Variants in SEL1L3 observed in about 807,000 individuals in gnomAD.
The protein encoded by SEL1L3 is SEL1L family member 3.
In SEL1L3, 76 loss-of-function variants were observed where a neutral mutation model predicts 142.8. The observed-to-expected ratio is 0.53, with a 90% confidence interval of 0.44 to 0.64. The LOEUF is 0.64. SEL1L3 is among the 30% of genes least tolerant of loss of function. The pLI is 0.00. For synonymous variants in SEL1L3, 504 were observed against 519.6 expected, an observed-to-expected ratio of 0.97 and a Z score of 0.41; for missense variants, 1,262 against 1,381.7, an observed-to-expected ratio of 0.91 and a Z score of 1.37.
At chr4:25,777,861 G>A (rs1025528771) in intron 16 of SEL1L3, 2 of 456,056 alleles carry the variant, frequency 4.4e-6, no homozygotes, top group African/African-American at 4.0e-5. Flanking sequence ...CAGTGTGAGG[G>A]TGGCCTAAAA....
Position 25,804,680 on chromosome 4 carries a change from G to C in SEL1L3, c.1637C>G (p.Ser546Cys), listed in dbSNP as rs376354051. 5.4e-5 allele frequency: 87 copies of C among 1,613,686 alleles called. No homozygotes were observed. The highest frequency in any genetic ancestry group is 6.5e-5 in the Non-Finnish European group (77 of 1,179,704). The change falls in exon 10 of 24, where the codon TCT (serine) becomes TGT (cysteine). Residue 546 changes from serine to cysteine, a missense_variant. Transcript: ENST00000399878. ...KIFEKAVKRL[S>C]SIDGLHQISS... ...AATTTGGTGAAGACCATCAATGCTA[G>C]AGAGTCTCTTTACAGCCTTCTCAAA...
chr4:25,723,902 A>G, the SEL1L3 span, among the ~76,000 whole-genome samples: 3 of 152,184 alleles, frequency 2.0e-5, no homozygotes, highest in African/African-American at 7.2e-5. Flanking sequence ...CATAGCAAAC[A>G]TCTATCATGT....
At chr4:25,760,270 C>G (rs1577563338) in intron 20 of SEL1L3, among the ~76,000 whole-genome samples, 3 of 152,172 alleles carry the variant, frequency 2.0e-5, no homozygotes, top group African/African-American at 7.2e-5. Context: ...TTTATGGCTG[C>G]ATAGTATTCC....
chr4:25,829,083 G>A lies in SEL1L3; in HGVS notation c.1157+1015C>T, dbSNP rs932809301. Among the ~76,000 whole-genome samples, 9 of 152,150 alleles carry A rather than the reference G, an allele frequency of 5.9e-5. No homozygotes were observed. The East Asian group carries it at 1.2e-3, about 20-fold the overall frequency. On this transcript the variant is annotated intron_variant, in intron 6 of 23. Coordinates refer to ENST00000399878, the MANE Select transcript of SEL1L3 (RefSeq NM_015187.5). The stretch of plus-strand genomic sequence containing the variant: ...TGCCTCCTGGGTTCAAGCCATTCTC[G>A]TGCCTCAGCCACCTGAGTAACTGGG...
rs1719618615 is a variant in SEL1L3 at position 25,776,295 on chromosome 4, G to A, written c.2651C>T (p.Ala884Val). Residue 884 changes from alanine (A) to valine (V), a missense_variant, in exon 17 of 24, where the codon GCC becomes GTC. Physicochemically the swap from Ala to Val is moderately conservative, Grantham distance 64 (BLOSUM62 0). Around this residue, in one of 3 missense-constraint regions of SEL1L3, gnomAD observed 435 missense variants for 559.2 expected, o/e 0.78. Coordinates refer to ENST00000399878, the MANE Select transcript of SEL1L3 (RefSeq NM_015187.5). The stretch of plus-strand genomic sequence containing the variant: ...AGCTTACCATGAACCTTCCAGGTAG[G>A]CATTGAGGCCTTTGCGGATGACATG... ...LGHVIRKGLN[A>V]YLEGSWHEAL... 1 of 1,611,728 alleles carries A rather than the reference G, an allele frequency of 6.2e-7. No homozygotes were observed. Among genetic ancestry groups the A allele is most frequent in the Non-Finnish European group, 8.5e-7 (1 of 1,178,130 alleles).
chr4:25,794,589 G>C (rs1402223271), intron 11 of SEL1L3, among the ~76,000 whole-genome samples: 1 of 152,162 alleles, frequency 6.6e-6, no homozygotes, highest in Admixed American at 6.5e-5. Flanking sequence ...GCTGTGGAGA[G>C]ATAGGAATAC....
chr4:25,737,919 T>G, the SEL1L3 span, among the ~76,000 whole-genome samples: 2 of 152,120 alleles, frequency 1.3e-5, no homozygotes, highest in Non-Finnish European at 2.9e-5. Flanking sequence ...AGACAGAGTC[T>G]CACTCTGTCA....
At chr4:25,790,333 T>C in intron 12 of SEL1L3, 122 bp downstream of exon 12, 3 of 923,352 alleles carry the variant, frequency 3.2e-6, no homozygotes, top group East Asian at 2.6e-5. Context: ...GGACATGCAG[T>C]GTGAGTGAGA....
At chr4:25,729,353 T>G in the SEL1L3 span, among the ~76,000 whole-genome samples, 4 of 152,316 alleles carry the variant, frequency 2.6e-5, no homozygotes, top group Non-Finnish European at 4.4e-5. Context: ...TAACACATGT[T>G]TGCTTACCAC....
At chr4:25,746,504 C>CTAAATATATATATATATATATATT (rs1306618854), downstream of SEL1L3, among the ~76,000 whole-genome samples, 54 of 86,784 alleles carry the variant, frequency 6.2e-4, no homozygotes, top group Admixed American at 2.4e-3. Context: ...GCAATATTAT[C>CTAAATATATATATATATATATATT]TAAATATATA....
intron 15 of SEL1L3, 65 bp from the exon 16 acceptor site, chr4:25,779,268 GA>G (rs1316195588): frequency 6.3e-7 from 1 of 1,590,544 alleles, no homozygotes; most frequent in African/African-American, 1.3e-5. Context: ...GAGACAAGGT[GA>G]TGAGATGCTT....
intron 17 of SEL1L3, among the ~76,000 whole-genome samples, chr4:25,775,197 A>T (rs1482309822): frequency 6.6e-6 from 1 of 152,224 alleles, no homozygotes; most frequent in Non-Finnish European, 1.5e-5. Context: ...AACTTTCTGA[A>T]AAAAATCTCT....
chr4:25,753,733 C>T (rs1047678883), intron 23 of SEL1L3, among the ~76,000 whole-genome samples: 3 of 152,228 alleles, frequency 2.0e-5, no homozygotes, highest in African/African-American at 7.2e-5. Context: ...CCTGTAGTCC[C>T]AGCACTTTGG....
At chr4:25,724,768 AAAAG>A in the SEL1L3 span, among the ~76,000 whole-genome samples, 5,042 of 46,952 alleles carry the variant, frequency 0.11, 799 homozygotes, top group African/African-American at 0.26. Context: ...AAAAAAAAAA[AAAAG>A]GAAAAGAAAT....
the SEL1L3 span, among the ~76,000 whole-genome samples, chr4:25,729,606 C>T: frequency 6.5e-4 from 99 of 152,194 alleles, no homozygotes; most frequent in East Asian, 0.018. Flanking sequence ...TCCAGCTACC[C>T]GGGAGGCTGA....
At chr4:25,843,539 A>T (rs933804520) in intron 2 of SEL1L3, among the ~76,000 whole-genome samples, 1 of 151,930 alleles carries the variant, frequency 6.6e-6, no homozygotes, top group African/African-American at 2.4e-5. Flanking sequence ...TCTTTCTGTG[A>T]CTCCAGCGTG....
downstream of SEL1L3, among the ~76,000 whole-genome samples, chr4:25,744,791 GAC>G (rs1717212736): frequency 6.6e-6 from 1 of 152,144 alleles, no homozygotes; most frequent in Admixed American, 6.5e-5. Flanking sequence ...AAAAGACTAA[GAC>G]ACAGACACAC....
At chr4:25,760,753 G>A (rs566244156) in intron 20 of SEL1L3, among the ~76,000 whole-genome samples, 7 of 152,264 alleles carry the variant, frequency 4.6e-5, no homozygotes, top group African/African-American at 1.7e-4. Flanking sequence ...CACAACCATC[G>A]TATGTCGCAA....
intron 9 of SEL1L3, among the ~76,000 whole-genome samples, chr4:25,816,298 G>A (rs1714388663): frequency 6.6e-6 from 1 of 151,928 alleles, no homozygotes; most frequent in Non-Finnish European, 1.5e-5. Context: ...TTTTGCAGAT[G>A]AGGAAACTAA....
Sources: gnomAD v4.1 joint callset for allele counts (sites outside exome capture counted in the v4.1 genomes callset) on GRCh38, gnomAD v4.1.1 for gene constraint, gnomAD v4.1.1 regional missense constraint, MANE v1.5 for transcripts, NCBI Gene and HGNC (gene_info 2026-07-23, HGNC 2026-07-21) for gene names.